Variants in ANKRD55 observed in about 807,000 individuals in gnomAD.
ANKRD55 encodes ankyrin repeat domain-containing protein 55.
Under a neutral mutation model 60.6 loss-of-function variants are expected in ANKRD55, and 41 were observed. That is an observed-to-expected ratio of 0.68 (90% CI 0.53 to 0.88). The LOEUF is 0.88. Among genes scored for constraint, ANKRD55 ranks in the 40% least tolerant of loss-of-function variants. The pLI, the probability that ANKRD55 is intolerant of heterozygous loss-of-function variation, is 0.00. For missense variants in ANKRD55, 732 were observed against 767.6 expected (o/e 0.95, Z 0.55); for synonymous variants, 264 against 290.3 (o/e 0.91, Z 0.92).
intron 10 of ANKRD55, among the ~76,000 whole-genome samples, chr5:56,104,276 A>G (rs1041736697): frequency 1.3e-5 from 2 of 152,156 alleles, no homozygotes; most frequent in African/African-American, 4.8e-5. Flanking sequence ...TCATTTTACA[A>G]ATGAGGACCT....
chr5:56,127,306 T>C (rs1361584212), intron 7 of ANKRD55, 200 bp from the exon 8 acceptor site: 2 of 985,300 alleles, frequency 2.0e-6, no homozygotes, highest in Non-Finnish European at 2.4e-6. Flanking sequence ...TTGTCTCAAG[T>C]CACTGCAGAG....
intron 4 of ANKRD55, among the ~76,000 whole-genome samples, chr5:56,171,835 T>C (rs2111814886): frequency 6.6e-6 from 1 of 152,170 alleles, no homozygotes; most frequent in African/African-American, 2.4e-5. Flanking sequence ...AATCAAAATG[T>C]TGTCTGGGCA....
At chr5:56,141,132 T>TTG (rs1554039019) in intron 7 of ANKRD55, among the ~76,000 whole-genome samples, 1 of 133,550 alleles carries the variant, frequency 7.5e-6, no homozygotes, top group African/African-American at 3.2e-5. Context: ...CACACACAGT[T>TTG]TTTTTTTTTT....
intron 2 of ANKRD55, among the ~76,000 whole-genome samples, chr5:56,184,085 T>C (rs1338457802): frequency 6.6e-6 from 1 of 152,168 alleles, no homozygotes; most frequent in African/African-American, 2.4e-5. Context: ...GAGGCAGCCT[T>C]TCCCACCCTA....
intron 2 of ANKRD55, chr5:56,193,257 C>A: frequency 9.3e-7 from 1 of 1,078,306 alleles, no homozygotes; most frequent in South Asian, 1.5e-5. Flanking sequence ...CATAGTTCCT[C>A]CACTGAAGAC....
chr5:56,232,761 C>CACAT, intron 2 of ANKRD55, 95 bp downstream of exon 2: 1 of 1,283,312 alleles, frequency 7.8e-7, no homozygotes, highest in East Asian at 2.3e-5. Context: ...CACACACACA[C>CACAT]ACACACACTT....
chr5:56,176,015 A>G, intron 4 of ANKRD55, 137 bp downstream of exon 4: 1 of 1,127,030 alleles, frequency 8.9e-7, no homozygotes, highest in Admixed American at 2.3e-5. Flanking sequence ...GTTGAAGATG[A>G]TTGGAGTAAA....
chr5:56,169,849 C>T (rs1211226981), intron 5 of ANKRD55, among the ~76,000 whole-genome samples: 1 of 152,138 alleles, frequency 6.6e-6, no homozygotes, highest in Non-Finnish European at 1.5e-5. Context: ...ATGTTCTGCA[C>T]AGCAGAAAGG....
chr5:56,167,740 C>A (rs1345323508), intron 5 of ANKRD55, among the ~76,000 whole-genome samples: 1 of 152,142 alleles, frequency 6.6e-6, no homozygotes, highest in Admixed American at 6.5e-5. Flanking sequence ...CTGTTAGGTA[C>A]AGTTTCAAGA....
chr5:56,206,758 A>C (rs1759521220), intron 2 of ANKRD55, among the ~76,000 whole-genome samples: 1 of 152,192 alleles, frequency 6.6e-6, no homozygotes, highest in Non-Finnish European at 1.5e-5. Context: ...CAAGAAGGAC[A>C]AGGCAAGTTC....
chr5:56,193,086 G>T (rs569556801), intron 2 of ANKRD55: 8 of 738,240 alleles, frequency 1.1e-5, no homozygotes, highest in African/African-American at 1.1e-4. Context: ...GATAATTTGA[G>T]ATGGCTTCTT....
intron 10 of ANKRD55, among the ~76,000 whole-genome samples, chr5:56,107,252 G>A (rs1260226794): frequency 1.3e-5 from 2 of 152,030 alleles, no homozygotes; most frequent in Non-Finnish European, 2.9e-5. Context: ...ATCTTATCAT[G>A]ACTCAGTTGC....
chr5:56,200,746 A>G (rs1759343903), intron 2 of ANKRD55, among the ~76,000 whole-genome samples: 1 of 152,142 alleles, frequency 6.6e-6, no homozygotes, highest in Admixed American at 6.5e-5. Context: ...GGTCAGTGGA[A>G]GGGCACATTG....
At chr5:56,147,351 T>C (rs1757922802) in intron 6 of ANKRD55, among the ~76,000 whole-genome samples, 1 of 152,206 alleles carries the variant, frequency 6.6e-6, no homozygotes, top group African/African-American at 2.4e-5. Flanking sequence ...TGAGCTCAGA[T>C]GCTAAAAAAT....
chr5:56,151,901 A>ATG (rs1245422699), intron 6 of ANKRD55, among the ~76,000 whole-genome samples: 13 of 145,078 alleles, frequency 9.0e-5, no homozygotes, highest in Middle Eastern at 7.1e-3. Context: ...ACACACGTAT[A>ATG]TGTGTGTATA....
intron 2 of ANKRD55, among the ~76,000 whole-genome samples, chr5:56,228,978 G>A (rs1760182144): frequency 6.6e-6 from 1 of 152,030 alleles, no homozygotes; most frequent in African/African-American, 2.4e-5. Flanking sequence ...GCCTCGTCAG[G>A]CATATTTCCT....
intron 5 of ANKRD55, chr5:56,161,871 AG>A: frequency 1.8e-6 from 1 of 559,248 alleles, no homozygotes; most frequent in Non-Finnish European, 2.3e-6. Flanking sequence ...TTTGGTAGGA[AG>A]ACATATAAAA....
chr5:56,199,080 A>AAAACAAAC (rs56703145), intron 2 of ANKRD55, among the ~76,000 whole-genome samples: 4,865 of 150,282 alleles, frequency 0.032, 177 homozygotes, highest in African/African-American at 0.089. Context: ...ACTCTGTCTC[A>AAAACAAAC]AAACAAACAA....
At chr5:56,111,844 C>T (rs1263595999) in intron 9 of ANKRD55, 62 bp from the exon 10 acceptor site, 12 of 1,373,052 alleles carry the variant, frequency 8.7e-6, no homozygotes, top group Non-Finnish European at 1.0e-5. Flanking sequence ...CATCACTCAC[C>T]GAAATACCGA....
Sources: gnomAD v4.1 joint callset for allele counts (sites outside exome capture counted in the v4.1 genomes callset) on GRCh38, gnomAD v4.1.1 for gene constraint, MANE v1.5 for transcripts, NCBI Gene and HGNC (gene_info 2026-07-23, HGNC 2026-07-21) for gene names.